PCDHGB1: variants seen among roughly 807,000 people sequenced by gnomAD.
PCDHGB1 encodes protocadherin gamma subfamily B, 1.
A neutral mutation model predicts 56.6 loss-of-function variants in PCDHGB1; 34 were observed. The ratio of observed to expected loss-of-function variants is 0.60; its 90% CI spans 0.46 to 0.80. The LOEUF is 0.80. Among genes scored for constraint, PCDHGB1 ranks in the 30% least tolerant of loss-of-function variants. PCDHGB1 has a pLI of 0.00. For missense variants in PCDHGB1, 1,278 were observed against 1,204.6 expected (o/e 1.06, Z -0.90); for synonymous variants, 561 against 505.9 (o/e 1.11, Z -1.46).
intron 1 of PCDHGB1, chr5:141,421,270 C>G: frequency 6.2e-7 from 1 of 1,612,094 alleles, no homozygotes; most frequent in Non-Finnish European, 8.5e-7. Context: ...TCGGCTGCTG[C>G]TGCTGCTGTG....
intron 1 of PCDHGB1, chr5:141,365,375 C>A (rs752434944): frequency 9.3e-6 from 15 of 1,613,942 alleles, no homozygotes; most frequent in Non-Finnish European, 1.3e-5. Flanking sequence ...CGAAGTGATC[C>A]TCACCTCTCT....
chr5:141,350,821 A>G lies in PCDHGB1; in HGVS notation c.561A>G (p.Lys187=). 2 of 1,614,054 alleles carry G rather than the reference A, an allele frequency of 1.2e-6. No homozygotes were observed. The highest frequency in any genetic ancestry group is 1.7e-6 in the Non-Finnish European group (2 of 1,179,890). Residue 187 remains lysine, a synonymous_variant, in exon 1 of 4, where the codon AAA becomes AAG. Transcript: ENST00000523390. ...CGAAGGAAAGTCCTGATGGAAGTAA[A>G]TATCCGGTATTACTGCTGGAAAAAC... ...LSTKESPDGS[K]YPVLLLEKPL...
chr5:141,411,724 A>G (rs2095509404), intron 1 of PCDHGB1: 1 of 152,684 alleles, frequency 6.5e-6, no homozygotes, highest in South Asian at 2.1e-4. Flanking sequence ...GCTACAGAAC[A>G]TTTAAAAATT....
rs888457230 is a variant in PCDHGB1, at chr5:141,493,727, C to T, written c.2410-1080C>T. On this transcript the variant is annotated intron_variant, in intron 1 of 3. Transcript: ENST00000523390. This position sits in a 1 kb window ranked among gnomAD's most constrained non-coding sequence, Gnocchi z 4.3. ...TGGAATGCTAGGTTTCTGGGTTCTG[C>T]TCATATCACTGCCACCTGTGAGCCT... Among the ~76,000 whole-genome samples, 2 of 152,184 alleles carry T rather than the reference C, an allele frequency of 1.3e-5. No homozygotes were observed. Among genetic ancestry groups the T allele is most frequent in the Admixed American group, 6.5e-5 (1 of 15,280 alleles).
chr5:141,470,123 C>T (rs368463710), intron 1 of PCDHGB1, among the ~76,000 whole-genome samples: 11 of 151,234 alleles, frequency 7.3e-5, no homozygotes, highest in Admixed American at 3.3e-4. Flanking sequence ...AGCAAGACTT[C>T]GTCTCAAAAA....
chr5:141,399,059 A>T (rs769553635), intron 1 of PCDHGB1: 8 of 1,613,882 alleles, frequency 5.0e-6, no homozygotes, highest in Non-Finnish European at 6.8e-6. Context: ...ACCAAGGAAT[A>T]TTCAATGGTT....
chr5:141,495,122 C>T (rs1365586518), intron 2 of PCDHGB1, among the ~76,000 whole-genome samples: 2 of 152,282 alleles, frequency 1.3e-5, no homozygotes, highest in East Asian at 3.9e-4. Flanking sequence ...TTCCTATCCC[C>T]TGAGGGCACT....
At chr5:141,467,728 C>A (rs2099150053) in intron 1 of PCDHGB1, among the ~76,000 whole-genome samples, 1 of 152,058 alleles carries the variant, frequency 6.6e-6, no homozygotes, top group Admixed American at 6.5e-5. Context: ...GTGGCACAAT[C>A]CCAGCTCGCT....
intron 1 of PCDHGB1, chr5:141,441,726 C>A: frequency 2.8e-6 from 1 of 353,524 alleles, no homozygotes; most frequent in Non-Finnish European, 5.6e-6. Flanking sequence ...GGCCCGCGAC[C>A]AGGACTAGCT....
chr5:141,351,523 C>T lies in PCDHGB1; in HGVS notation c.1263C>T (p.Thr421=). 6.2e-7 allele frequency: 1 copy of T among 1,614,036 alleles called. No homozygotes were observed. The highest frequency in any genetic ancestry group is 1.3e-5 in the African/African-American group (1 of 75,066). The part of the protein sequence containing the change: ...TADYNVTIIA[T]DKGKPALSSR... ...ACTACAACGTCACAATCATAGCCAC[C>T]GACAAGGGCAAACCAGCCCTTTCCT... Residue 421 remains threonine, a synonymous_variant, in exon 1 of 4, where the codon ACC becomes ACT. Transcript: ENST00000523390.
At chr5:141,453,608 C>T (rs1015022396) in intron 1 of PCDHGB1, among the ~76,000 whole-genome samples, 6 of 152,068 alleles carry the variant, frequency 3.9e-5, no homozygotes, top group South Asian at 2.1e-4. Context: ...TTTTGCAAAA[C>T]GCAAAAACAA....
chr5:141,382,171 G>A (rs1325332399), intron 1 of PCDHGB1, among the ~76,000 whole-genome samples: 3 of 151,984 alleles, frequency 2.0e-5, no homozygotes, highest in East Asian at 3.8e-4. Flanking sequence ...GTGTTAGACC[G>A]TCTCTAAGGT....
At chr5:141,506,563 C>T (rs925780739) in intron 3 of PCDHGB1, among the ~76,000 whole-genome samples, 2 of 152,062 alleles carry the variant, frequency 1.3e-5, no homozygotes, top group Non-Finnish European at 2.9e-5. Context: ...TAAACCCCCT[C>T]GGTTTCACTT....
At chr5:141,366,283 G>A (rs1283624984) in intron 1 of PCDHGB1, 10 of 1,613,592 alleles carry the variant, frequency 6.2e-6, no homozygotes, top group Non-Finnish European at 8.5e-6. Context: ...ACCATGGCCA[G>A]CCCCCTCTGT....
intron 1 of PCDHGB1, chr5:141,393,313 T>G: frequency 1.2e-6 from 2 of 1,613,324 alleles, no homozygotes; most frequent in Non-Finnish European, 1.7e-6. Flanking sequence ...GTGAACTCCC[T>G]CCAGAGCTAC....
At chr5:141,403,074 A>G (rs777613681) in intron 1 of PCDHGB1, 9 of 1,614,088 alleles carry the variant, frequency 5.6e-6, no homozygotes, top group Non-Finnish European at 6.8e-6. Flanking sequence ...GAGACAGAAA[A>G]GGGCTATATT....
At chr5:141,399,591 G>A (rs2093843307) in intron 1 of PCDHGB1, 1 of 1,613,970 alleles carries the variant, frequency 6.2e-7, no homozygotes. Flanking sequence ...ACTCTATCAT[G>A]GCCAGCGACC....
chr5:141,381,977 G>A lies in PCDHGB1; in HGVS notation c.2409+29308G>A, dbSNP rs61025717. Among the ~76,000 whole-genome samples, 1,494 of 151,364 alleles carry A rather than the reference G, an allele frequency of 9.9e-3. 24 individuals are homozygous for A. The highest frequency in any genetic ancestry group is 0.034 in the African/African-American group (1,395 of 41,190). On this transcript the variant is annotated intron_variant, in intron 1 of 3. Coordinates refer to ENST00000523390, the MANE Select transcript of PCDHGB1 (RefSeq NM_018922.3). ...CCTGAGTAGCTGGGATTACAGGCGC[G>A]CGCCACCACGCCCGGATAATTTTGT...
chr5:141,362,555 A>G, intron 1 of PCDHGB1: 1 of 1,612,062 alleles, frequency 6.2e-7, no homozygotes, highest in Non-Finnish European at 8.5e-7. Context: ...ACTATTTTGA[A>G]GGTGAGCTTT....
Sources: allele counts gnomAD v4.1 joint callset (sites outside exome capture counted in the v4.1 genomes callset), GRCh38; gene constraint gnomAD v4.1.1; non-coding constraint Gnocchi (gnomAD v3.1); transcripts MANE v1.5; gene names NCBI Gene and HGNC (gene_info 2026-07-23, HGNC 2026-07-21).